The following NFIA variants were observed in gnomAD, a reference collection of about 807,000 sequenced individuals.
NFIA encodes nuclear factor I A.
In NFIA, 8 loss-of-function variants were observed where a neutral mutation model predicts 62.8. The observed-to-expected ratio is 0.13, with a 90% confidence interval of 0.07 to 0.23. The LOEUF (loss-of-function observed/expected upper bound fraction) is 0.23, where lower values mean the gene tolerates loss of function less well. Among genes scored for constraint, NFIA ranks in the 10% least tolerant of loss-of-function variants. The pLI is 1.00. For missense variants in NFIA, 410 were observed against 642.1 expected, an observed-to-expected ratio of 0.64 and a Z score of 3.91; for synonymous variants, 235 against 238.1, an observed-to-expected ratio of 0.99 and a Z score of 0.12.
rs149123419 is a variant in NFIA at position 61,202,181 on chromosome 1, C to T, written c.560-75339C>T. On this transcript the variant is annotated intron_variant, in intron 2 of 10. Coordinates refer to ENST00000403491, the MANE Select transcript of NFIA (RefSeq NM_001134673.4). ...TATTTCTGGTAAGAGGGAATTAAAGCGTTATCTCCCTATAGTGTAATTATG... is the reference window on the plus strand; with the variant it reads ...TATTTCTGGTAAGAGGGAATTAAAGTGTTATCTCCCTATAGTGTAATTATG... Among the ~76,000 whole-genome samples the T allele has an allele frequency of 5.1e-3, 783 of 152,222 alleles. 13 individuals are homozygous for T. The highest frequency in any genetic ancestry group is 0.017 in the African/African-American group (705 of 41,552).
chr1:61,440,878 T>C (rs895941891), intron 10 of NFIA, among the ~76,000 whole-genome samples: 1 of 152,190 alleles, frequency 6.6e-6, no homozygotes, highest in Admixed American at 6.5e-5. Context: ...TTCAAAAGTT[T>C]TAGAAATTTC....
chr1:61,279,406 A>T (rs1658000725), intron 3 of NFIA, among the ~76,000 whole-genome samples: 1 of 152,074 alleles, frequency 6.6e-6, no homozygotes, highest in South Asian at 2.1e-4. Context: ...CAGTTAAAAA[A>T]AAAAAAAGAG....
At chr1:61,187,074 A>G (rs1007083016) in intron 2 of NFIA, among the ~76,000 whole-genome samples, 2 of 152,192 alleles carry the variant, frequency 1.3e-5, no homozygotes, top group East Asian at 3.8e-4. Flanking sequence ...TATTTGTAAA[A>G]TGTCAACTGT....
At chr1:61,222,005 A>G (rs896913091) in intron 2 of NFIA, among the ~76,000 whole-genome samples, 2 of 152,122 alleles carry the variant, frequency 1.3e-5, no homozygotes, top group African/African-American at 4.8e-5. Context: ...CTTCAAAAGC[A>G]CTCTGAACTC....
At chr1:61,309,626 A>C (rs1206716119) in intron 3 of NFIA, among the ~76,000 whole-genome samples, 2 of 152,176 alleles carry the variant, frequency 1.3e-5, no homozygotes, top group Non-Finnish European at 1.5e-5. Context: ...CGCAGTGGCT[A>C]ACGCCTATAA....
Position 61,082,636 on chromosome 1 carries a change from A to G in NFIA, c.-156A>G. ...CAGTTGAGCCGACTTGGAAATGTGA[A>G]CGCAAGAAGCAGGCTTGATTTTTTT... On this transcript the variant is annotated 5_prime_UTR_variant, in exon 1 of 11. Transcript: ENST00000403491. 7.3e-6 allele frequency: 11 copies of G among 1,512,156 alleles called. No individual in the cohort carries two copies. The highest frequency in any genetic ancestry group is 7.1e-6 in the Non-Finnish European group (8 of 1,125,052). The allele number at this position is 1,512,156 out of a possible 1,614,324, so 93.7% of individuals were successfully genotyped here.
At chr1:61,334,777 TAGTCCTCATTACCATCAGCCTTCCC>T (rs1424941925) in intron 4 of NFIA, among the ~76,000 whole-genome samples, 6 of 151,810 alleles carry the variant, frequency 4.0e-5, no homozygotes, top group Non-Finnish European at 7.4e-5. Context: ...TTCTTACATT[TAGTCCTCATTACCATCAGCCTTCCC>T]AGGCCTGGGG....
At chr1:61,386,211 G>A (rs545901350) in intron 7 of NFIA, among the ~76,000 whole-genome samples, 1 of 152,288 alleles carries the variant, frequency 6.6e-6, no homozygotes, top group East Asian at 1.9e-4. Flanking sequence ...TTAGGAAGAT[G>A]AGGCCAAAAT....
chr1:61,213,425 G>A (rs541544730), intron 2 of NFIA, among the ~76,000 whole-genome samples: 48 of 152,310 alleles, frequency 3.2e-4, no homozygotes, highest in Non-Finnish European at 5.3e-4. Flanking sequence ...CTCCAAGGAT[G>A]AGCTGATATA....
chr1:61,263,484 T>A (rs998310198), intron 2 of NFIA, among the ~76,000 whole-genome samples: 2 of 152,180 alleles, frequency 1.3e-5, no homozygotes, highest in African/African-American at 4.8e-5. Flanking sequence ...AGCCTTCCTA[T>A]AGGCTCTTTC....
At chr1:61,291,603 T>C (rs2100309291) in intron 3 of NFIA, among the ~76,000 whole-genome samples, 1 of 152,358 alleles carries the variant, frequency 6.6e-6, no homozygotes, top group South Asian at 2.1e-4. Context: ...GAGGCACATG[T>C]TCATGATCAA....
At chr1:61,129,047 T>G (rs966609000) in intron 2 of NFIA, among the ~76,000 whole-genome samples, 8 of 144,336 alleles carry the variant, frequency 5.5e-5, no homozygotes, top group African/African-American at 1.8e-4. Context: ...CTCAGCCTCC[T>G]GAGTAGCTGG....
intron 2 of NFIA, among the ~76,000 whole-genome samples, chr1:61,157,556 T>C (rs1194412013): frequency 6.6e-6 from 1 of 152,204 alleles, no homozygotes; most frequent in Non-Finnish European, 1.5e-5. Flanking sequence ...AATGTTGAGT[T>C]TGGAAACGTG....
At chr1:61,441,336 T>TGTC (rs1273392412) in intron 10 of NFIA, among the ~76,000 whole-genome samples, 2 of 139,542 alleles carry the variant, frequency 1.4e-5, no homozygotes, top group Admixed American at 1.4e-4. Context: ...TGTGTGTGTC[T>TGTC]GTCTGTCTGT....
intron 1 of NFIA, among the ~76,000 whole-genome samples, 171 bp from the exon 2 acceptor site, chr1:61,087,978 C>G (rs1329648875): frequency 1.3e-5 from 2 of 152,034 alleles, no homozygotes; most frequent in African/African-American, 4.8e-5. Context: ...AGTTTTCTCT[C>G]CCACCTTCCC....
intron 2 of NFIA, among the ~76,000 whole-genome samples, chr1:61,232,450 G>A (rs1363052856): frequency 6.6e-6 from 1 of 152,168 alleles, no homozygotes; most frequent in African/African-American, 2.4e-5. Flanking sequence ...CATGTTATAA[G>A]TGGTAAAGCC....
intron 1 of NFIA, among the ~76,000 whole-genome samples, chr1:61,086,328 T>C (rs1481118782): frequency 6.6e-6 from 1 of 152,178 alleles, no homozygotes; most frequent in Admixed American, 6.5e-5. Context: ...AGATGCTTTG[T>C]GGTTTGGCGT....
At chr1:61,097,631 A>T (rs1472757527) in intron 2 of NFIA, among the ~76,000 whole-genome samples, 1 of 152,200 alleles carries the variant, frequency 6.6e-6, no homozygotes, top group Non-Finnish European at 1.5e-5. Context: ...TACATTACCC[A>T]TCTTCATTTA....
chr1:61,197,831 A>G (rs1409783600), intron 2 of NFIA, among the ~76,000 whole-genome samples: 1 of 151,858 alleles, frequency 6.6e-6, no homozygotes, highest in Non-Finnish European at 1.5e-5. Flanking sequence ...AATACAAAAA[A>G]TTAGCCGGGC....
Sources: gnomAD v4.1 joint callset for allele counts (sites outside exome capture counted in the v4.1 genomes callset) on GRCh38, gnomAD v4.1.1 for gene constraint, MANE v1.5 for transcripts, NCBI Gene and HGNC (gene_info 2026-07-23, HGNC 2026-07-21) for gene names.